Variants in RP1 observed in about 807,000 individuals in gnomAD.
RP1 encodes the protein oxygen-regulated protein 1.
A neutral mutation model predicts 14.8 loss-of-function variants in RP1; 16 were observed. That is an observed-to-expected ratio of 1.08 (90% confidence interval 0.73 to 1.65). RP1 has a LOEUF of 1.65. Ranked by LOEUF, RP1 falls within the 40% of genes most tolerant of loss-of-function variation. The pLI, the probability that RP1 is intolerant of heterozygous loss-of-function variation, is 0.00. For synonymous variants in RP1, 876 were observed against 883.6 expected (o/e 0.99, Z 0.15); for missense variants, 2,631 against 2,535.0 (o/e 1.04, Z -0.81).
chr8:54,627,561 G>T lies in RP1; in HGVS notation c.3679G>T (p.Glu1227Ter). 1 of 1,614,152 alleles carries T rather than the reference G, an allele frequency of 6.2e-7. No individual in the cohort carries two copies. Among genetic ancestry groups the T allele is most frequent in the Non-Finnish European group, 8.5e-7 (1 of 1,179,982 alleles). ...GAGTGTTCCTAAGTGCAGTGAAAAT[G>T]AAAGAACACAAGGAATCTCCTCTTT... ...IQSVPKCSENERTQGISSLDG... is the reference protein window; with the variant it reads ...IQSVPKCSEN Residue 1227 changes from glutamate (E) to a stop codon, truncating the protein, a stop_gained, in exon 4 of 4, where the codon GAA becomes TAA. Coordinates refer to ENST00000220676, the MANE Select transcript of RP1 (RefSeq NM_006269.2). LOFTEE classifies it low-confidence loss of function (END_TRUNC).
intron 19 of RP1, among the ~76,000 whole-genome samples, chr8:54,753,178 C>T (rs1809416456): frequency 6.6e-6 from 1 of 152,196 alleles, no homozygotes; most frequent in African/African-American, 2.4e-5. Context: ...CTTTTCAAGA[C>T]CTCTTGCCTG....
chr8:54,732,266 G>A (rs1808811169), intron 17 of RP1, among the ~76,000 whole-genome samples: 1 of 152,102 alleles, frequency 6.6e-6, no homozygotes, highest in Non-Finnish European at 1.5e-5. Context: ...AGCCTTTTCT[G>A]CCCACTCCTC....
chr8:54,602,554 T>C (rs62514587), intron 1 of RP1, among the ~76,000 whole-genome samples: 37,837 of 151,822 alleles, frequency 0.25, 4,902 homozygotes, highest in Non-Finnish European at 0.26. Flanking sequence ...ATATACCCAG[T>C]AATGGGATGG....
intron 8 of RP1, chr8:54,678,432 C>G: frequency 6.6e-7 from 1 of 1,510,438 alleles, no homozygotes; most frequent in Non-Finnish European, 8.9e-7. Context: ...TTATTCATAT[C>G]ACATTTTCAT....
chr8:54,697,438 C>G (rs576767267), intron 12 of RP1, among the ~76,000 whole-genome samples: 96 of 152,210 alleles, frequency 6.3e-4, no homozygotes, highest in Middle Eastern at 3.4e-3. Flanking sequence ...GCCTGTGATC[C>G]CAACTACTCA....
At chr8:54,800,435 T>C (rs1810678342) in intron 24 of RP1, among the ~76,000 whole-genome samples, 1 of 152,150 alleles carries the variant, frequency 6.6e-6, no homozygotes, top group Non-Finnish European at 1.5e-5. Flanking sequence ...CCATTATCTT[T>C]GGAAAATATT....
chr8:54,770,266 T>C (rs1165336588), downstream of RP1: 9 of 397,164 alleles, frequency 2.3e-5, no homozygotes, highest in Non-Finnish European at 3.1e-5. Context: ...TACATTCTTA[T>C]TGAGTTTAAC....
In RP1 at chr8:54,626,246, A is replaced by C. The variant is rs747841240; in HGVS notation, c.2364A>C (p.Gly788=). 3 of 1,613,438 alleles carry C rather than the reference A, an allele frequency of 1.9e-6. No homozygotes were observed. Among genetic ancestry groups the C allele is most frequent in the Non-Finnish European group, 2.5e-6 (3 of 1,179,680 alleles). The change falls in exon 4 of 4, where the codon GGA becomes GGC. Residue 788 remains glycine, a synonymous_variant. Coordinates refer to ENST00000220676, the MANE Select transcript of RP1 (RefSeq NM_006269.2). The stretch of plus-strand genomic sequence containing the variant: ...GATCACTAAATAAAATAAGCTTAGG[A>C]GCACCTAAAAAAAGAGAAATCGGTC... ...KSRSLNKISL[G]APKKREIGQR...
chr8:54,592,122 G>C (rs1427846870), intron 1 of RP1, among the ~76,000 whole-genome samples: 2 of 152,156 alleles, frequency 1.3e-5, no homozygotes, highest in African/African-American at 4.8e-5. Context: ...ATATATATTT[G>C]CAATTCATTT....
At chr8:54,706,929 C>A (rs529205591) in intron 15 of RP1, among the ~76,000 whole-genome samples, 1 of 152,136 alleles carries the variant, frequency 6.6e-6, no homozygotes, top group Non-Finnish European at 1.5e-5. Context: ...GGAAGGCTGG[C>A]GTGGGACCTG....
At chr8:54,675,519 A>G (rs908113715) in intron 8 of RP1, among the ~76,000 whole-genome samples, 1 of 152,176 alleles carries the variant, frequency 6.6e-6, no homozygotes, top group Non-Finnish European at 1.5e-5. Context: ...CTTTCATTTC[A>G]AAACTTCATG....
At chr8:54,850,969 T>C (rs1812047031) in intron 25 of RP1, among the ~76,000 whole-genome samples, 1 of 152,228 alleles carries the variant, frequency 6.6e-6, no homozygotes, top group South Asian at 2.1e-4. Flanking sequence ...TAAAAGTTAG[T>C]GCTCAACTAT....
Position 54,629,422 on chromosome 8 carries a change from T to C in RP1, c.5540T>C (p.Ile1847Thr), listed in dbSNP as rs757250217. The change falls in exon 4 of 4, where the codon ATA becomes ACA. Residue 1847 changes from isoleucine to threonine, a missense_variant. Ile to Thr is a moderately conservative substitution (Grantham distance 89). Transcript: ENST00000220676. ...AATGAAACCTGTGCCAAGGAAAGAATAGCAAATCATCATACAGAGGAGAAG... is the reference window on the plus strand; with the variant it reads ...AATGAAACCTGTGCCAAGGAAAGAACAGCAAATCATCATACAGAGGAGAAG... Reference protein sequence around the residue: ...VRNETCAKERIANHHTEEKGS... With the variant: ...VRNETCAKERTANHHTEEKGS... 1.7e-5 allele frequency: 28 copies of C among 1,613,982 alleles called. No individual in the cohort carries two copies. Among genetic ancestry groups the C allele is most frequent in the Non-Finnish European group, 2.3e-5 (27 of 1,179,986 alleles).
Position 54,628,537 on chromosome 8 carries a change from C to T in RP1, c.4655C>T (p.Thr1552Ile), listed in dbSNP as rs780366175. Reference protein sequence around the residue: ...YDSKQNSEKETNEGETKMVKM... With the variant: ...YDSKQNSEKEINEGETKMVKM... Reference sequence around the variant, plus strand: ...TCTAAGCAAAATAGTGAAAAGGAGACCAATGAAGGAGAAACTAAGATGGTA... The same window carrying T: ...TCTAAGCAAAATAGTGAAAAGGAGATCAATGAAGGAGAAACTAAGATGGTA... The change falls in exon 4 of 4, where the codon ACC becomes ATC. Residue 1552 changes from threonine (T) to isoleucine (I), a missense_variant. Thr to Ile is a moderately conservative substitution (Grantham distance 89). Coordinates refer to ENST00000220676, the MANE Select transcript of RP1 (RefSeq NM_006269.2). 3.7e-6 allele frequency: 6 copies of T among 1,613,786 alleles called. No homozygotes were observed. Among genetic ancestry groups the T allele is most frequent in the Non-Finnish European group, 3.4e-6 (4 of 1,179,890 alleles).
intron 7 of RP1, among the ~76,000 whole-genome samples, chr8:54,666,923 A>T (rs1218495166): frequency 6.6e-6 from 1 of 151,926 alleles, no homozygotes; most frequent in Non-Finnish European, 1.5e-5. Context: ...TCTCCTCCAC[A>T]ATCCCTCAAT....
intron 1 of RP1, among the ~76,000 whole-genome samples, chr8:54,585,308 A>T (rs546467545): frequency 6.6e-6 from 1 of 152,296 alleles, no homozygotes; most frequent in Non-Finnish European, 1.5e-5. Flanking sequence ...TTTCTTTAAG[A>T]ATGTTGAATA....
chr8:54,830,498 A>G (rs146058666), intron 24 of RP1, among the ~76,000 whole-genome samples: 46 of 152,200 alleles, frequency 3.0e-4, no homozygotes, highest in African/African-American at 1.0e-3. Flanking sequence ...ATCTAATGTT[A>G]ATATACAGAT....
intron 1 of RP1, among the ~76,000 whole-genome samples, chr8:54,618,598 A>G (rs1353063429): frequency 1.3e-5 from 2 of 152,220 alleles, no homozygotes; most frequent in African/African-American, 2.4e-5. Flanking sequence ...AAATAAACAT[A>G]TAAGTACACC....
chr8:54,681,507 TG>T (rs1563346158), intron 12 of RP1, among the ~76,000 whole-genome samples: 12 of 151,916 alleles, frequency 7.9e-5, no homozygotes, highest in African/African-American at 2.7e-4. Flanking sequence ...TGTGTGTGTG[TG>T]TGTGTGTGTG....
Sources: allele counts gnomAD v4.1 joint callset (sites outside exome capture counted in the v4.1 genomes callset), GRCh38; gene constraint gnomAD v4.1.1; transcripts MANE v1.5; gene names NCBI Gene and HGNC (gene_info 2026-07-23, HGNC 2026-07-21).